Variants in EPB41L1 observed in about 807,000 individuals in gnomAD.
EPB41L1 encodes the protein erythrocyte membrane protein band 4.1 like 1.
A neutral mutation model predicts 97.8 loss-of-function variants in EPB41L1; 29 were observed. The ratio of observed to expected loss-of-function variants is 0.30; its 90% CI spans 0.22 to 0.40. The LOEUF (loss-of-function observed/expected upper bound fraction) is 0.40. Ranked by LOEUF, EPB41L1 falls within the 10% of genes least tolerant of loss-of-function variation. The probability of loss-of-function intolerance (pLI) is 1.00; values close to 1 mark genes in which losing one functional copy is unlikely to be tolerated. For synonymous variants in EPB41L1, 383 were observed against 459.2 expected, an observed-to-expected ratio of 0.83 and a Z score of 2.12; for missense variants, 812 against 1,162.3, an observed-to-expected ratio of 0.70 and a Z score of 4.38.
chr20:36,153,908 G>C (rs902779984), upstream of EPB41L1, among the ~76,000 whole-genome samples: 1 of 152,118 alleles, frequency 6.6e-6, no homozygotes, highest in African/African-American at 2.4e-5. Flanking sequence ...TTGGTTTTGA[G>C]CCATGATCTC....
At chr20:36,202,640 A>AAATAAT (rs536919167) in intron 14 of EPB41L1, among the ~76,000 whole-genome samples, 199 of 149,922 alleles carry the variant, frequency 1.3e-3, no homozygotes, top group African/African-American at 4.2e-3. Context: ...CTAAAAATAC[A>AAATAAT]AATAATAATA....
chr20:36,174,603 A>G (rs1391997838), intron 2 of EPB41L1, among the ~76,000 whole-genome samples: 8 of 139,506 alleles, frequency 5.7e-5, no homozygotes, highest in Non-Finnish European at 1.2e-4. Flanking sequence ...TTCAGTAGAG[A>G]TGAGGTCTTG....
At chr20:36,116,672 T>C (rs756622769) in intron 2 of EPB41L1, among the ~76,000 whole-genome samples, 19 of 152,300 alleles carry the variant, frequency 1.2e-4, no homozygotes, top group African/African-American at 1.7e-4. Context: ...AGGAGGGTTC[T>C]CCATGTCCTC....
chr20:36,222,246 T>C (rs1300327019), intron 20 of EPB41L1, 32 bp from the exon 21 acceptor site: 15 of 1,565,464 alleles, frequency 9.6e-6, no homozygotes, highest in African/African-American at 4.0e-5. Flanking sequence ...GGATAGTTCA[T>C]GGTTCCTTCC....
intron 2 of EPB41L1, chr20:36,122,660 CT>C: frequency 1.3e-5 from 2 of 152,594 alleles, no homozygotes; most frequent in Non-Finnish European, 2.9e-5. Context: ...CTTCTGCCGC[CT>C]TTTCTACCTT....
chr20:36,189,802 T>C (rs1353414247), intron 9 of EPB41L1, among the ~76,000 whole-genome samples: 1 of 152,256 alleles, frequency 6.6e-6, no homozygotes, highest in Non-Finnish European at 1.5e-5. Context: ...GGTCTCCATG[T>C]ATCTCTAGTG....
At chr20:36,203,047 C>G (rs781551455) in intron 14 of EPB41L1, among the ~76,000 whole-genome samples, 2 of 152,182 alleles carry the variant, frequency 1.3e-5, no homozygotes, top group African/African-American at 2.4e-5. Context: ...CCGACGGTCC[C>G]CTGGCTCCAG....
At chr20:36,094,846 G>T (rs2057777529) in intron 1 of EPB41L1, among the ~76,000 whole-genome samples, 1 of 152,074 alleles carries the variant, frequency 6.6e-6, no homozygotes, top group South Asian at 2.1e-4. Context: ...CACCGAGACT[G>T]GAGTGTAGGC....
chr20:36,179,829 A>G (rs1479940118), intron 5 of EPB41L1, among the ~76,000 whole-genome samples: 2 of 152,182 alleles, frequency 1.3e-5, no homozygotes. Context: ...TGTCAGTTGG[A>G]GACAAAGAGG....
At chr20:36,125,298 T>G in intron 2 of EPB41L1, 2 of 614,964 alleles carry the variant, frequency 3.3e-6, no homozygotes, top group South Asian at 1.9e-5. Flanking sequence ...TTCTGGGGAG[T>G]GGAGGATAGG....
chr20:36,144,237 A>G (rs1325797657), intron 2 of EPB41L1, among the ~76,000 whole-genome samples: 1 of 152,198 alleles, frequency 6.6e-6, no homozygotes, highest in Non-Finnish European at 1.5e-5. Flanking sequence ...ATGACTGCCC[A>G]AGATCTCACA....
intron 2 of EPB41L1, among the ~76,000 whole-genome samples, chr20:36,132,681 G>T (rs886089650): frequency 4.0e-5 from 6 of 151,828 alleles, no homozygotes; most frequent in Non-Finnish European, 7.4e-5. Flanking sequence ...CAAGATGGAG[G>T]GAGGGCTTGG....
intron 17 of EPB41L1, among the ~76,000 whole-genome samples, chr20:36,214,676 C>T (rs2063336878): frequency 6.6e-6 from 1 of 152,126 alleles, no homozygotes; most frequent in Admixed American, 6.6e-5. Flanking sequence ...CTGATAGTGT[C>T]AGTTATCTAG....
At chr20:36,215,980 G>T (rs1450837839) in intron 17 of EPB41L1, among the ~76,000 whole-genome samples, 1 of 152,192 alleles carries the variant, frequency 6.6e-6, no homozygotes, top group Non-Finnish European at 1.5e-5. Context: ...TCTGTAAAAT[G>T]GGTGAGGGTA....
chr20:36,154,540 CAGGCAGAGAGG>C (rs2060196344), upstream of EPB41L1, among the ~76,000 whole-genome samples: 2 of 150,010 alleles, frequency 1.3e-5, no homozygotes, highest in South Asian at 4.2e-4. The surrounding 1 kb of genome is among the most constrained non-coding windows in gnomAD (Gnocchi z 5.5). Context: ...GTAGAGGAGA[CAGGCAGAGAGG>C]AGGCGGAGGC....
intron 21 of EPB41L1, among the ~76,000 whole-genome samples, chr20:36,226,476 C>T (rs2147187584): frequency 6.6e-6 from 1 of 152,302 alleles, no homozygotes. Flanking sequence ...AAGTGGCTTG[C>T]TCACAGTCAT....
intron 2 of EPB41L1, among the ~76,000 whole-genome samples, chr20:36,140,785 C>A (rs1402015980): frequency 6.6e-6 from 1 of 152,160 alleles, no homozygotes; most frequent in African/African-American, 2.4e-5. Context: ...CTTCCCCTGC[C>A]CCTGCCGTGT....
At chr20:36,200,644 C>A (rs2146594683) in intron 14 of EPB41L1, among the ~76,000 whole-genome samples, 2 of 152,332 alleles carry the variant, frequency 1.3e-5, no homozygotes, top group Middle Eastern at 6.8e-3. Flanking sequence ...GCCTCCCTCC[C>A]TTAAGTGGCT....
intron 1 of EPB41L1, among the ~76,000 whole-genome samples, chr20:36,112,207 C>T (rs1325928061): frequency 1.3e-5 from 2 of 152,188 alleles, no homozygotes; most frequent in Non-Finnish European, 2.9e-5. Flanking sequence ...TCTCCTTGGC[C>T]TCCAAGGTCC....
Sources: gnomAD v4.1 joint callset for allele counts (sites outside exome capture counted in the v4.1 genomes callset) on GRCh38, gnomAD v4.1.1 for gene constraint, Gnocchi (gnomAD v3.1) non-coding constraint, MANE v1.5 for transcripts, NCBI Gene and HGNC (gene_info 2026-07-23, HGNC 2026-07-21) for gene names.